The following KLHL14 variants were observed in gnomAD, a reference collection of about 807,000 sequenced individuals.
The protein encoded by KLHL14 is kelch-like protein 14.
A neutral mutation model predicts 64.3 loss-of-function variants in KLHL14; 22 were observed. The observed-to-expected ratio is 0.34, with a 90% confidence interval of 0.24 to 0.49. KLHL14 has a LOEUF of 0.49. KLHL14 is among the 20% of genes least tolerant of loss of function. The pLI is 0.99. For synonymous variants in KLHL14, 322 were observed against 333.4 expected, an observed-to-expected ratio of 0.97 and a Z score of 0.37; for missense variants, 661 against 789.0, an observed-to-expected ratio of 0.84 and a Z score of 1.94.
Position 32,695,535 on chromosome 18 carries a change from C to A in KLHL14, c.1087G>T (p.Ala363Ser). 1 of 1,601,144 alleles carries A rather than the reference C, an allele frequency of 6.2e-7. No individual in the cohort carries two copies. Residue 363 changes from alanine to serine, a missense_variant, in exon 4 of 9, where the codon GCC becomes TCC. By Grantham distance (99) the Ala-to-Ser change is moderately conservative. Transcript: ENST00000359358. ...TCCACCTCCACAACGCAGTGGTGGG[C>A]ACTGTTGTATGGCATAACTGAAATT... is the stretch of plus-strand genomic sequence containing the variant. ...KILTIMPYNS[A>S]HHCVVEVENF...
At chr18:32,709,139 C>T (rs1044785932) in intron 3 of KLHL14, among the ~76,000 whole-genome samples, 7 of 152,218 alleles carry the variant, frequency 4.6e-5, no homozygotes, top group East Asian at 1.9e-4. Flanking sequence ...AAAGATCACA[C>T]GGCCTGGCCC....
intron 3 of KLHL14, among the ~76,000 whole-genome samples, chr18:32,708,978 C>T (rs1175835005): frequency 6.6e-6 from 1 of 152,184 alleles, no homozygotes; most frequent in African/African-American, 2.4e-5. Context: ...CCTCACGGGT[C>T]TCCTTGTTTT....
chr18:32,743,182 A>C (rs1263346486), intron 2 of KLHL14: 2 of 152,236 alleles, frequency 1.3e-5, no homozygotes, highest in Non-Finnish European at 2.9e-5. Flanking sequence ...TGGTGGAAGA[A>C]ACGGAACAAC....
At chr18:32,771,410 G>A (rs1244456287) in intron 1 of KLHL14, among the ~76,000 whole-genome samples, 5 of 152,130 alleles carry the variant, frequency 3.3e-5, no homozygotes, top group African/African-American at 1.2e-4. Flanking sequence ...GGCCCTGCCC[G>A]CTTCCCCGCT....
Position 32,741,749 on chromosome 18 carries a change from A to G in KLHL14, c.1069+179T>C, listed in dbSNP as rs1043244729. Among the ~76,000 whole-genome samples the G allele has an allele frequency of 3.3e-5, 5 of 152,292 alleles. No homozygotes were observed. In the East Asian group the frequency reaches 9.6e-4, roughly 29 times the overall value. On this transcript the variant is annotated intron_variant, in intron 3 of 8. Transcript: ENST00000359358. ...GGCCTACTCGACTACCAAATTGGCC[A>G]CCTCTGCAATGTTAATTTAGTTTTT...
intron 5 of KLHL14, among the ~76,000 whole-genome samples, chr18:32,686,907 A>G (rs181787887): frequency 5.9e-5 from 9 of 152,316 alleles, no homozygotes; most frequent in South Asian, 2.1e-4. Context: ...CAAAATACCA[A>G]TCAATATAAT....
Position 32,734,248 on chromosome 18 carries a change from G to C in KLHL14, c.1069+7680C>G. The C allele has an allele frequency of 4.3e-6, 3 of 702,738 alleles. No individual in the cohort carries two copies. The East Asian group carries it at 8.0e-5, about 19-fold the overall frequency. The allele number at this position is 702,738 out of a possible 1,614,324, so 43.5% of individuals were successfully genotyped here. ...TGAAATGGGGTGTGGTCCTGTGACT[G>C]AGAAGAAATGATATATGTCACTTTT... On this transcript the variant is annotated intron_variant, in intron 3 of 8. Transcript: ENST00000359358.
intron 3 of KLHL14, among the ~76,000 whole-genome samples, chr18:32,708,853 C>G (rs952111857): frequency 1.3e-5 from 2 of 152,166 alleles, no homozygotes; most frequent in Non-Finnish European, 2.9e-5. Context: ...GAGAAGGCAT[C>G]CTGATGGGAT....
intron 3 of KLHL14, among the ~76,000 whole-genome samples, chr18:32,723,612 A>G (rs2050090748): frequency 6.6e-6 from 1 of 152,158 alleles, no homozygotes. Flanking sequence ...TTGAGGGCTT[A>G]AATTACATAC....
intron 2 of KLHL14, among the ~76,000 whole-genome samples, chr18:32,756,263 C>T (rs1029147217): frequency 2.6e-5 from 4 of 152,194 alleles, no homozygotes; most frequent in Non-Finnish European, 5.9e-5. Flanking sequence ...AGCAGGAAGG[C>T]AGCTGTCTAC....
intron 3 of KLHL14, among the ~76,000 whole-genome samples, chr18:32,732,308 T>C (rs1198486468): frequency 2.0e-5 from 3 of 152,240 alleles, no homozygotes; most frequent in African/African-American, 7.2e-5. Context: ...TAGGAAGTGA[T>C]AGAAAGATAC....
intron 8 of KLHL14, among the ~76,000 whole-genome samples, 198 bp from the exon 9 acceptor site, chr18:32,674,995 AT>A (rs1412623162): frequency 6.6e-6 from 1 of 152,138 alleles, no homozygotes; most frequent in Non-Finnish European, 1.5e-5. Context: ...TTCAAAAAAA[AT>A]TTTTTTGTGT....
chr18:32,759,434 G>A (rs1030978723), intron 2 of KLHL14, among the ~76,000 whole-genome samples: 1 of 152,114 alleles, frequency 6.6e-6, no homozygotes, highest in Non-Finnish European at 1.5e-5. Context: ...AAAAATCCAA[G>A]CTATCAATCA....
At chr18:32,717,824 G>T (rs1426867584) in intron 3 of KLHL14, among the ~76,000 whole-genome samples, 3 of 152,138 alleles carry the variant, frequency 2.0e-5, no homozygotes, top group Non-Finnish European at 1.5e-5. Context: ...CACAAGTCTT[G>T]AGTATGATGA....
At position 32,674,851 on chromosome 18, in the gene KLHL14, G is replaced by A. The variant is rs570027029; in HGVS notation, c.1747-54C>T. ...AGAAGGAAGCTAGAGAAGTGCAATG[G>A]CAATGTTACTGATCATATTTATTAA... On this transcript the variant is annotated intron_variant, in intron 8 of 8. Coordinates refer to ENST00000359358, the MANE Select transcript of KLHL14 (RefSeq NM_020805.3). The A allele has an allele frequency of 2.3e-5, 17 of 747,110 alleles. No individual in the cohort carries two copies. The Admixed American group carries it at 2.7e-4, about 12-fold the overall frequency. 46.3% of individuals were successfully genotyped at this position (747,110 alleles called of 1,614,324 possible).
rs1212743198 is a variant in KLHL14 at position 32,673,618 on chromosome 18, G to A, written c.*1039C>T. 2 of 152,206 alleles carry A rather than the reference G, an allele frequency of 1.3e-5. No homozygotes were observed. The highest frequency in any genetic ancestry group is 2.9e-5 in the Non-Finnish European group (2 of 68,040). 9.4% of individuals were successfully genotyped at this position (152,206 alleles called of 1,614,324 possible). A position where few individuals can be genotyped will look rare whatever the true frequency, so the allele number is the denominator to read the frequency against. Reference sequence around the variant, plus strand: ...AGAGGCACCCGAAGGTGAGGAAGAGGAGAAGTATTCTGTCAGGTGCTATAA... The same window carrying A: ...AGAGGCACCCGAAGGTGAGGAAGAGAAGAAGTATTCTGTCAGGTGCTATAA... On this transcript the variant is annotated 3_prime_UTR_variant, in exon 9 of 9. Coordinates refer to ENST00000359358, the MANE Select transcript of KLHL14 (RefSeq NM_020805.3).
chr18:32,676,078 A>AC (rs1166888367), intron 8 of KLHL14, among the ~76,000 whole-genome samples: 2 of 152,218 alleles, frequency 1.3e-5, no homozygotes, highest in African/African-American at 4.8e-5. Context: ...GATGTACTGT[A>AC]ATTTGAACTA....
At chr18:32,695,972 C>T (rs868750131) in intron 3 of KLHL14, among the ~76,000 whole-genome samples, 4 of 152,244 alleles carry the variant, frequency 2.6e-5, no homozygotes, top group East Asian at 3.9e-4. Context: ...CTCTGCCCAA[C>T]GTGGTTTGCT....
At chr18:32,748,914 A>G (rs950057314) in intron 2 of KLHL14, among the ~76,000 whole-genome samples, 8 of 152,242 alleles carry the variant, frequency 5.3e-5, no homozygotes, top group Admixed American at 4.6e-4. Flanking sequence ...ACAGTGCTAA[A>G]TAAATGCTAA....
Sources: allele counts gnomAD v4.1 joint callset (sites outside exome capture counted in the v4.1 genomes callset), GRCh38; gene constraint gnomAD v4.1.1; transcripts MANE v1.5; gene names NCBI Gene and HGNC (gene_info 2026-07-23, HGNC 2026-07-21).